CA1: variants seen among roughly 807,000 people sequenced by gnomAD.
CA1 encodes the protein carbonic anhydrase 1, also known as carbonate dehydratase I.
In CA1, 27 loss-of-function variants were observed where a neutral mutation model predicts 28.8. That is an observed-to-expected ratio of 0.94 (90% CI 0.69 to 1.29). The LOEUF (loss-of-function observed/expected upper bound fraction) is 1.29. CA1 is among the 50% of genes most tolerant of loss of function. CA1 has a pLI of 0.00. For synonymous variants in CA1, 121 were observed against 108.8 expected (o/e 1.11, Z -0.70); for missense variants, 335 against 310.5 (o/e 1.08, Z -0.59).
chr8:85,331,800 C>T (rs1191557942), intron 6 of CA1, among the ~76,000 whole-genome samples: 2 of 152,022 alleles, frequency 1.3e-5, no homozygotes, highest in African/African-American at 4.8e-5. Context: ...CTTTTATCTT[C>T]ACTAATTATT....
At chr8:85,351,901 G>A (rs376069102) in intron 1 of CA1, 8 of 152,312 alleles carry the variant, frequency 5.3e-5, no homozygotes, top group East Asian at 1.9e-4. Flanking sequence ...ATTAAACCCA[G>A]TAGGATTAAA....
chr8:85,328,469 T>C lies in CA1; in HGVS notation c.*91A>G, dbSNP rs1808259354. 2.5e-6 allele frequency: 2 copies of C among 786,010 alleles called. No homozygotes were observed. Among genetic ancestry groups the C allele is most frequent in the Non-Finnish European group, 4.4e-6 (2 of 452,114 alleles). The allele number at this position is 786,010 out of a possible 1,614,324, so 48.7% of individuals were successfully genotyped here. On this transcript the variant is annotated 3_prime_UTR_variant, in exon 8 of 8. Transcript: ENST00000523022. ...GCATGCTGTCTTGCTAATATTGAAA[T>C]AAATTTATTTCTTAAAAATTATTAT...
At chr8:85,348,680 T>TA (rs911863686) in intron 1 of CA1, among the ~76,000 whole-genome samples, 1 of 152,236 alleles carries the variant, frequency 6.6e-6, no homozygotes, top group African/African-American at 2.4e-5. Flanking sequence ...CAGTTATTTT[T>TA]AAGAATTAGC....
At chr8:85,355,292 G>A (rs527953254) in intron 1 of CA1, among the ~76,000 whole-genome samples, 3 of 152,202 alleles carry the variant, frequency 2.0e-5, no homozygotes, top group East Asian at 1.9e-4. Context: ...CCCCAAAATT[G>A]TTTTTCTCTA....
intron 2 of CA1, 185 bp downstream of exon 2, chr8:85,341,413 AT>A: frequency 3.8e-6 from 2 of 531,010 alleles, no homozygotes; most frequent in Non-Finnish European, 6.7e-6. Context: ...TATCAAACAT[AT>A]TTTGTAGTCA....
chr8:85,341,673 T>C lies in CA1; in HGVS notation c.-24-14A>G, dbSNP rs377037419. The C allele has an allele frequency of 1.4e-6, 2 of 1,410,848 alleles. No individual in the cohort carries two copies. Among genetic ancestry groups the C allele is most frequent in the Non-Finnish European group, 2.0e-6 (2 of 995,276 alleles). 87.4% of individuals were successfully genotyped at this position (1,410,848 alleles called of 1,614,324 possible). A position where few individuals can be genotyped will look rare whatever the true frequency, so the allele number is the denominator to read the frequency against. On this transcript the variant is annotated splice_polypyrimidine_tract_variant and intron_variant, in intron 1 of 7. Transcript: ENST00000523022. Reference sequence around the variant, plus strand: ...AGTTTTCTTTTTCTGAAAACAAAAATAATACCTGGAATAACTAACTGCAAC... The same window carrying C: ...AGTTTTCTTTTTCTGAAAACAAAAACAATACCTGGAATAACTAACTGCAAC...
intron 1 of CA1, among the ~76,000 whole-genome samples, chr8:85,371,144 A>G (rs142475642): frequency 1.3e-3 from 205 of 152,260 alleles, no homozygotes; most frequent in African/African-American, 4.6e-3. Context: ...GCCAACTCCA[A>G]TGACTCTTCA....
intron 2 of CA1, among the ~76,000 whole-genome samples, chr8:85,338,931 G>T (rs1036839060): frequency 6.6e-6 from 1 of 151,814 alleles, no homozygotes; most frequent in African/African-American, 2.4e-5. Context: ...GTCCAGGCTT[G>T]TCTCGAACTC....
intron 1 of CA1, among the ~76,000 whole-genome samples, chr8:85,344,231 A>G (rs1341309856): frequency 2.2e-3 from 228 of 103,920 alleles, no homozygotes; most frequent in Non-Finnish European, 2.7e-3. Flanking sequence ...TATATACAGT[A>G]TATAATATAT....
chr8:85,346,759 T>C (rs1197795752), intron 1 of CA1, among the ~76,000 whole-genome samples: 1 of 151,892 alleles, frequency 6.6e-6, no homozygotes, highest in African/African-American at 2.4e-5. Context: ...TGAAACTCCG[T>C]CTCAAAATAA....
intron 2 of CA1, among the ~76,000 whole-genome samples, chr8:85,340,344 C>T (rs1018175663): frequency 3.3e-5 from 5 of 152,176 alleles, no homozygotes; most frequent in African/African-American, 7.2e-5. Context: ...AATGACAGCA[C>T]ATCTATTTAC....
At chr8:85,369,797 C>G (rs1021179419) in intron 1 of CA1, among the ~76,000 whole-genome samples, 1 of 152,170 alleles carries the variant, frequency 6.6e-6, no homozygotes, top group Non-Finnish European at 1.5e-5. Flanking sequence ...TCATCCCTTA[C>G]GCCTGTTACC....
chr8:85,372,277 A>T (rs973642143), intron 1 of CA1, among the ~76,000 whole-genome samples: 1 of 152,136 alleles, frequency 6.6e-6, no homozygotes, highest in Non-Finnish European at 1.5e-5. Flanking sequence ...GACGGCTACT[A>T]TGAAACAAAA....
chr8:85,333,406 G>A (rs1049404632), intron 5 of CA1, 119 bp downstream of exon 5: 31 of 674,516 alleles, frequency 4.6e-5, no homozygotes, highest in African/African-American at 1.8e-4. Flanking sequence ...TGTAGTCATC[G>A]GTTAAATGGA....
intron 2 of CA1, chr8:85,341,276 A>C (rs1808913729): frequency 4.0e-6 from 1 of 249,326 alleles, no homozygotes; most frequent in African/African-American, 2.2e-5. Context: ...GCATAGTGTA[A>C]ACATAACTTG....
chr8:85,350,759 T>C (rs1809377059), intron 1 of CA1, among the ~76,000 whole-genome samples: 1 of 152,110 alleles, frequency 6.6e-6, no homozygotes, highest in South Asian at 2.1e-4. Flanking sequence ...AAGGAGTTCT[T>C]ATGGGCCTTA....
intron 6 of CA1, among the ~76,000 whole-genome samples, chr8:85,330,243 G>A (rs1808346038): frequency 6.6e-6 from 1 of 151,908 alleles, no homozygotes; most frequent in Non-Finnish European, 1.5e-5. Context: ...CATGCATATT[G>A]GTTGTTTCAG....
chr8:85,369,781 C>T (rs1810148707), intron 1 of CA1, among the ~76,000 whole-genome samples: 1 of 152,176 alleles, frequency 6.6e-6, no homozygotes, highest in Non-Finnish European at 1.5e-5. Flanking sequence ...TCTTGATGTT[C>T]TCCACTCATC....
At chr8:85,355,857 T>C (rs1392365043) in intron 1 of CA1, among the ~76,000 whole-genome samples, 1 of 145,744 alleles carries the variant, frequency 6.9e-6, no homozygotes, top group East Asian at 2.0e-4. Context: ...TAGTTTTTTT[T>C]TCTTCTTCTT....
Sources: gnomAD v4.1 joint callset for allele counts (sites outside exome capture counted in the v4.1 genomes callset) on GRCh38, gnomAD v4.1.1 for gene constraint, MANE v1.5 for transcripts, NCBI Gene and HGNC (gene_info 2026-07-23, HGNC 2026-07-21) for gene names.